Variants in IFT52 observed in about 807,000 individuals in gnomAD.
IFT52 encodes the protein intraflagellar transport 52, also known as intraflagellar transport protein 52 homolog.
Under a neutral mutation model 54.4 loss-of-function variants are expected in IFT52, and 44 were observed. The observed-to-expected ratio is 0.81, with a 90% CI of 0.63 to 1.04. The LOEUF (loss-of-function observed/expected upper bound fraction) is 1.04. Among genes scored for constraint, IFT52 ranks in the 50% least tolerant of loss-of-function variants. IFT52 has a pLI of 0.00. For missense variants in IFT52, 452 were observed against 523.6 expected (o/e 0.86, Z 1.33); for synonymous variants, 181 against 185.3 (o/e 0.98, Z 0.19).
At chr20:43,630,649 G>A (rs541927510) in intron 10 of IFT52, among the ~76,000 whole-genome samples, 86 of 152,210 alleles carry the variant, frequency 5.7e-4, no homozygotes, top group Non-Finnish European at 1.1e-3. Context: ...CAGATGGTGT[G>A]GAGTCCCTGC....
rs1281459227 is a variant in IFT52 at position 43,590,965 on chromosome 20, C to G, written c.-96C>G. 6.6e-6 allele frequency: 1 copy of G among 152,270 alleles called. No homozygotes were observed. The highest frequency in any genetic ancestry group is 1.5e-5 in the Non-Finnish European group (1 of 68,058). The allele number at this position is 152,270 out of a possible 1,614,324, so 9.4% of individuals were successfully genotyped here. ...TCCTGGGCCACGCCTCCCGGCGCACCGACGCGCCTCTCCGGTTACTAAGCG... is the reference window on the plus strand; with the variant it reads ...TCCTGGGCCACGCCTCCCGGCGCACGGACGCGCCTCTCCGGTTACTAAGCG... On this transcript the variant is annotated 5_prime_UTR_variant, in exon 1 of 14. Transcript: ENST00000373030.
intron 3 of IFT52, among the ~76,000 whole-genome samples, chr20:43,601,127 C>T (rs1373346202): frequency 2.0e-5 from 3 of 152,004 alleles, no homozygotes; most frequent in Non-Finnish European, 4.4e-5. Context: ...ACCTTAACTT[C>T]CCTGCCCTTC....
intron 12 of IFT52, among the ~76,000 whole-genome samples, chr20:43,637,954 G>C (rs1985656676): frequency 1.3e-5 from 2 of 152,170 alleles, no homozygotes; most frequent in Admixed American, 1.3e-4. Flanking sequence ...CTTCAAATTG[G>C]ACAGGATCTG....
intron 2 of IFT52, among the ~76,000 whole-genome samples, chr20:43,595,569 C>G (rs1981888486): frequency 6.6e-6 from 1 of 151,260 alleles, no homozygotes; most frequent in Non-Finnish European, 1.5e-5. Context: ...AAACATTATT[C>G]AGAATGAAAT....
intron 13 of IFT52, among the ~76,000 whole-genome samples, chr20:43,646,653 C>G (rs1425972192): frequency 6.6e-6 from 1 of 152,026 alleles, no homozygotes; most frequent in African/African-American, 2.4e-5. Flanking sequence ...GGACAGACAC[C>G]CGAGGCCAAT....
intron 3 of IFT52, among the ~76,000 whole-genome samples, chr20:43,597,201 G>A (rs531722190): frequency 4.0e-5 from 6 of 151,400 alleles, no homozygotes; most frequent in South Asian, 4.2e-4. Context: ...GAGAAACCCC[G>A]TCTCTACTAA....
chr20:43,593,417 T>A (rs1281392422), intron 1 of IFT52, among the ~76,000 whole-genome samples: 2 of 152,238 alleles, frequency 1.3e-5, no homozygotes, highest in Non-Finnish European at 2.9e-5. Flanking sequence ...TAAGAATCTC[T>A]ACAAATATGC....
intron 12 of IFT52, 58 bp downstream of exon 12, chr20:43,637,311 G>A (rs1985607507): frequency 5.2e-6 from 5 of 956,118 alleles, no homozygotes; most frequent in Non-Finnish European, 7.8e-6. Flanking sequence ...TGCCCAGGCT[G>A]GAGTGCAATG....
chr20:43,629,021 GT>G (rs1984965387), intron 10 of IFT52, among the ~76,000 whole-genome samples: 2 of 152,132 alleles, frequency 1.3e-5, no homozygotes, highest in Non-Finnish European at 2.9e-5. Context: ...AGAGTGGTAT[GT>G]TTTCCTCCAA....
chr20:43,623,637 G>C (rs1984502306), intron 9 of IFT52, among the ~76,000 whole-genome samples: 1 of 152,226 alleles, frequency 6.6e-6, no homozygotes, highest in Admixed American at 6.5e-5. Flanking sequence ...TGTTTCTCCA[G>C]CTGTTTTCAG....
At chr20:43,633,110 G>T (rs1019823340) in intron 10 of IFT52, among the ~76,000 whole-genome samples, 3 of 152,226 alleles carry the variant, frequency 2.0e-5, no homozygotes, top group Admixed American at 6.5e-5. Flanking sequence ...TTGGGAGGCT[G>T]AGGTGGGTGG....
intron 10 of IFT52, among the ~76,000 whole-genome samples, chr20:43,634,557 T>C (rs1338722592): frequency 6.6e-6 from 1 of 152,164 alleles, no homozygotes; most frequent in Non-Finnish European, 1.5e-5. Flanking sequence ...TGAAAAAAGA[T>C]TTAACTATGT....
chr20:43,592,943 A>C (rs951082263), intron 1 of IFT52, among the ~76,000 whole-genome samples: 1 of 151,930 alleles, frequency 6.6e-6, no homozygotes, highest in Non-Finnish European at 1.5e-5. Flanking sequence ...TCTACAAAAA[A>C]TTTAAAAATT....
intron 6 of IFT52, among the ~76,000 whole-genome samples, chr20:43,610,617 T>C (rs1413536958): frequency 2.0e-5 from 3 of 151,766 alleles, no homozygotes; most frequent in Non-Finnish European, 4.4e-5. Flanking sequence ...CGGGCACCTG[T>C]AGTCCCAACT....
intron 1 of IFT52, among the ~76,000 whole-genome samples, chr20:43,592,482 G>A (rs1170468832): frequency 2.6e-5 from 4 of 151,898 alleles, no homozygotes; most frequent in African/African-American, 7.3e-5. Flanking sequence ...GCTGAGGCAC[G>A]AGAATCTCTT....
At chr20:43,594,544 C>G in intron 1 of IFT52, 149 bp from the exon 2 acceptor site, 1 of 595,634 alleles carries the variant, frequency 1.7e-6, no homozygotes, top group East Asian at 2.8e-5. Context: ...ATTTCACTCT[C>G]AACCTTTGAG....
At chr20:43,644,736 G>A (rs182112625) in intron 13 of IFT52, among the ~76,000 whole-genome samples, 2 of 56,666 alleles carry the variant, frequency 3.5e-5, no homozygotes, top group East Asian at 6.0e-4. Flanking sequence ...AGCCAAGAAC[G>A]TGCCATTGCA....
chr20:43,601,902 A>G (rs1466698586), intron 3 of IFT52, among the ~76,000 whole-genome samples: 1 of 152,128 alleles, frequency 6.6e-6, no homozygotes, highest in Non-Finnish European at 1.5e-5. Flanking sequence ...TTGTTGTTCC[A>G]AAAAATGTTT....
At chr20:43,598,598 G>A (rs572963376) in intron 3 of IFT52, among the ~76,000 whole-genome samples, 16 of 152,270 alleles carry the variant, frequency 1.1e-4, no homozygotes, top group African/African-American at 3.9e-4. Context: ...GGGAAGTGGA[G>A]GTGGGAGAAT....
Sources: gnomAD v4.1 joint callset for allele counts (sites outside exome capture counted in the v4.1 genomes callset) on GRCh38, gnomAD v4.1.1 for gene constraint, MANE v1.5 for transcripts, NCBI Gene and HGNC (gene_info 2026-07-23, HGNC 2026-07-21) for gene names.